CXXC4: variants seen among roughly 807,000 people sequenced by gnomAD.
CXXC4 encodes CXXC finger protein 4.
In CXXC4, 5 loss-of-function variants were observed where a neutral mutation model predicts 20.5. The observed-to-expected ratio is 0.24, with a 90% CI of 0.13 to 0.51. CXXC4 has a LOEUF of 0.51. CXXC4 is among the 20% of genes least tolerant of loss of function. CXXC4 has a pLI of 0.97. For synonymous variants in CXXC4, 250 were observed against 216.4 expected (o/e 1.16, Z -1.36); for missense variants, 419 against 496.4 (o/e 0.84, Z 1.48).
intron 2 of CXXC4, among the ~76,000 whole-genome samples, 157 bp downstream of exon 2, chr4:104,490,587 G>A (rs903165606): frequency 2.6e-5 from 4 of 152,204 alleles, no homozygotes; most frequent in Admixed American, 2.0e-4. Context: ...GTGGTGGAGA[G>A]GCCAAGCCTT....
intron 1 of CXXC4, among the ~76,000 whole-genome samples, chr4:104,494,334 G>T (rs1031510360): frequency 1.3e-5 from 2 of 152,110 alleles, no homozygotes; most frequent in Admixed American, 6.6e-5. Flanking sequence ...AGAGATCAAA[G>T]GTCATATTTA....
chr4:104,474,274 G>A (rs1406243798), intron 2 of CXXC4, among the ~76,000 whole-genome samples: 1 of 151,872 alleles, frequency 6.6e-6, no homozygotes, highest in Non-Finnish European at 1.5e-5. Flanking sequence ...AGCTCACTAT[G>A]CATACCTGAA....
chr4:104,486,935 C>T (rs1016343137), intron 2 of CXXC4, among the ~76,000 whole-genome samples: 1 of 152,164 alleles, frequency 6.6e-6, no homozygotes, highest in East Asian at 1.9e-4. Context: ...AACTTAACAG[C>T]GTAAACAATA....
chr4:104,492,934 A>C (rs1736937446), intron 1 of CXXC4, among the ~76,000 whole-genome samples: 1 of 152,052 alleles, frequency 6.6e-6, no homozygotes, highest in African/African-American at 2.4e-5. Flanking sequence ...AGCCTCTATA[A>C]GAATATTCCT....
intron 2 of CXXC4, among the ~76,000 whole-genome samples, chr4:104,486,917 G>A (rs927080720): frequency 7.9e-5 from 12 of 152,024 alleles, no homozygotes; most frequent in African/African-American, 2.9e-4. Context: ...TATGGTTGGG[G>A]CTCTTAGAAC....
intron 2 of CXXC4, among the ~76,000 whole-genome samples, chr4:104,485,103 AAAG>A (rs1414555430): frequency 6.6e-6 from 1 of 152,104 alleles, no homozygotes; most frequent in Admixed American, 6.5e-5. Context: ...ACTTTCTTGA[AAAG>A]AAGTTTTTAT....
Position 104,491,569 on chromosome 4 carries a change from G to C in CXXC4, c.234C>G (p.Ala78=). 6.8e-7 allele frequency: 1 copy of C among 1,471,236 alleles called. No individual in the cohort carries two copies. Among genetic ancestry groups the C allele is most frequent in the Non-Finnish European group, 9.1e-7 (1 of 1,102,764 alleles). The allele number at this position is 1,471,236 out of a possible 1,614,324, so 91.1% of individuals were successfully genotyped here. A position where few individuals can be genotyped will look rare whatever the true frequency, so the allele number is the denominator to read the frequency against. ...ACATGCCGATGCGCGCGGCGGCCGC[G>C]GCGGCGGCGGCGCTGCTGGGGAAGA... ...TPIFPSSAAA[A]AAAARIGMSP... The change falls in exon 2 of 3, where the codon GCC becomes GCG. Residue 78 remains alanine, a synonymous_variant. Coordinates refer to ENST00000394767, the MANE Select transcript of CXXC4 (RefSeq NM_025212.4).
intron 2 of CXXC4, among the ~76,000 whole-genome samples, chr4:104,474,834 T>TA (rs1422536097): frequency 6.6e-6 from 1 of 152,134 alleles, no homozygotes; most frequent in African/African-American, 2.4e-5. Flanking sequence ...GTACATTTTT[T>TA]AAATGAGATG....
At chr4:104,480,178 T>C (rs1293937926) in intron 2 of CXXC4, among the ~76,000 whole-genome samples, 3 of 152,146 alleles carry the variant, frequency 2.0e-5, no homozygotes, top group Admixed American at 6.6e-5. Context: ...TCTTTTTCTA[T>C]AAGTATCATG....
intron 2 of CXXC4, among the ~76,000 whole-genome samples, chr4:104,484,175 T>C (rs116701868): frequency 1.8e-4 from 28 of 152,144 alleles, no homozygotes; most frequent in African/African-American, 6.5e-4. Context: ...TGAGAAATTA[T>C]ATAGCATCTT....
chr4:104,480,335 T>C (rs1025478635), intron 2 of CXXC4, among the ~76,000 whole-genome samples: 1 of 152,176 alleles, frequency 6.6e-6, no homozygotes, highest in African/African-American at 2.4e-5. Context: ...CATCATTCTT[T>C]AGTAGCCTTT....
intron 1 of CXXC4, among the ~76,000 whole-genome samples, chr4:104,493,759 G>C (rs1217376121): frequency 6.6e-6 from 1 of 152,192 alleles, no homozygotes; most frequent in African/African-American, 2.4e-5. Context: ...TATTCTTGAT[G>C]CTTGGAAGGG....
intron 2 of CXXC4, among the ~76,000 whole-genome samples, chr4:104,486,622 T>C (rs1341542851): frequency 6.6e-6 from 1 of 152,140 alleles, no homozygotes; most frequent in Non-Finnish European, 1.5e-5. Context: ...ATTCTTGAGA[T>C]GAAAAATTGA....
intron 1 of CXXC4, among the ~76,000 whole-genome samples, chr4:104,492,352 C>G (rs1024772162): frequency 1.3e-5 from 2 of 151,536 alleles, no homozygotes; most frequent in Non-Finnish European, 2.9e-5. Context: ...ACGGGGGTGA[C>G]AAACGCCTAA....
Position 104,491,824 on chromosome 4 carries a change from G to T in CXXC4, c.-22C>A. ...TCATGGTGCAGGGGGGGAAGAAGGG[G>T]TGCAGGGTGGAAGTGGGGACCGCCT... On this transcript the variant is annotated 5_prime_UTR_variant, in exon 2 of 3. Coordinates refer to ENST00000394767, the MANE Select transcript of CXXC4 (RefSeq NM_025212.4). 1 of 1,328,816 alleles carries T rather than the reference G, an allele frequency of 7.5e-7. No individual in the cohort carries two copies. Among genetic ancestry groups the T allele is most frequent in the Non-Finnish European group, 9.7e-7 (1 of 1,028,966 alleles). 82.3% of individuals were successfully genotyped at this position (1,328,816 alleles called of 1,614,324 possible).
chr4:104,474,744 G>T (rs893724958), intron 2 of CXXC4, among the ~76,000 whole-genome samples: 1 of 152,006 alleles, frequency 6.6e-6, no homozygotes, highest in Non-Finnish European at 1.5e-5. Context: ...CTGGAAACAA[G>T]ATTATAAATA....
intron 1 of CXXC4, among the ~76,000 whole-genome samples, chr4:104,493,305 A>G (rs911752613): frequency 6.6e-6 from 1 of 152,092 alleles, no homozygotes; most frequent in African/African-American, 2.4e-5. Context: ...TTGTTTCCAG[A>G]TTTTTTGGCC....
intron 2 of CXXC4, among the ~76,000 whole-genome samples, chr4:104,482,818 C>T (rs1736590491): frequency 6.6e-6 from 1 of 151,972 alleles, no homozygotes; most frequent in Admixed American, 6.6e-5. Flanking sequence ...ACATATATCC[C>T]TTTCTCTTTT....
intron 2 of CXXC4, among the ~76,000 whole-genome samples, chr4:104,482,906 T>G (rs899465811): frequency 2.0e-5 from 3 of 152,046 alleles, no homozygotes; most frequent in Admixed American, 2.0e-4. Context: ...TGTTCTTGTC[T>G]TTTAGTCTTT....
Sources: allele counts gnomAD v4.1 joint callset (sites outside exome capture counted in the v4.1 genomes callset), GRCh38; gene constraint gnomAD v4.1.1; transcripts MANE v1.5; gene names NCBI Gene and HGNC (gene_info 2026-07-23, HGNC 2026-07-21).